The following FHIT variants were observed in gnomAD, a reference collection of about 807,000 sequenced individuals.
The protein encoded by FHIT is fragile histidine triad diadenosine triphosphatase.
Under a neutral mutation model 17.9 loss-of-function variants are expected in FHIT, and 19 were observed. That is an observed-to-expected ratio of 1.06 (90% CI 0.74 to 1.56). The LOEUF is 1.56. FHIT is among the 40% of genes most tolerant of loss of function. The pLI is 0.00. For missense variants in FHIT, 248 were observed against 189.2 expected, an observed-to-expected ratio of 1.31 and a Z score of -1.82; for synonymous variants, 81 against 69.7, an observed-to-expected ratio of 1.16 and a Z score of -0.81.
Position 60,381,459 on chromosome 3 carries a change from C to T in FHIT, c.103+155401G>A, listed in dbSNP as rs1193625843. Among the ~76,000 whole-genome samples the T allele has an allele frequency of 2.8e-5, 4 of 145,378 alleles. No individual in the cohort carries two copies. In the East Asian group the frequency reaches 8.0e-4, roughly 29 times the overall value. On this transcript the variant is annotated intron_variant, in intron 5 of 9. Coordinates refer to ENST00000492590, the MANE Select transcript of FHIT (RefSeq NM_002012.4). ...TGCCATTGCACTCCAGCCTGGGCAA[C>T]AAGAGCAAAACTCCATCTCAAAAAA...
chr3:59,747,719 G>C lies in FHIT; in HGVS notation c.*1866C>G, dbSNP rs991225343. ...ATGTCAGAGGCAAGCACTGAGATTT[G>C]ACCCATCAGCCCTAGGGAAGCTGAC... is the stretch of plus-strand genomic sequence containing the variant. On this transcript the variant is annotated 3_prime_UTR_variant, in exon 10 of 10. Coordinates refer to ENST00000492590, the MANE Select transcript of FHIT (RefSeq NM_002012.4). 1.8e-4 allele frequency among the ~76,000 whole-genome samples: 28 copies of C among 151,872 alleles called. No homozygotes were observed. Among genetic ancestry groups the C allele is most frequent in the African/African-American group, 6.3e-4 (26 of 41,376 alleles).
At chr3:59,884,232 C>T (rs73100660) in intron 8 of FHIT, among the ~76,000 whole-genome samples, 4,034 of 152,216 alleles carry the variant, frequency 0.027, 52 homozygotes, top group South Asian at 0.063. Flanking sequence ...TATATAGAAT[C>T]TATGATAAAG....
intron 3 of FHIT, among the ~76,000 whole-genome samples, chr3:60,987,906 A>G (rs1035529117): frequency 6.6e-6 from 1 of 152,184 alleles, no homozygotes; most frequent in African/African-American, 2.4e-5. Context: ...GATTTACTAT[A>G]TCTGATTGCA....
intron 3 of FHIT, among the ~76,000 whole-genome samples, chr3:60,991,899 T>A (rs1046291098): frequency 1.3e-5 from 2 of 152,168 alleles, no homozygotes; most frequent in African/African-American, 2.4e-5. Flanking sequence ...TACAGACTTA[T>A]GGGAGACAGG....
intron 1 of FHIT, among the ~76,000 whole-genome samples, chr3:61,224,375 G>C (rs1282233397): frequency 2.0e-5 from 3 of 152,072 alleles, no homozygotes; most frequent in African/African-American, 7.2e-5. Context: ...GCTCTGACTA[G>C]ACCCAAAATG....
At chr3:60,429,829 G>A (rs1702809161) in intron 5 of FHIT, among the ~76,000 whole-genome samples, 1 of 152,058 alleles carries the variant, frequency 6.6e-6, no homozygotes, top group Admixed American at 6.6e-5. Flanking sequence ...GGAAGCATAG[G>A]TACTAAGAGG....
intron 5 of FHIT, among the ~76,000 whole-genome samples, chr3:60,130,879 A>C (rs1193038213): frequency 8.6e-6 from 1 of 115,944 alleles, no homozygotes; most frequent in Non-Finnish European, 1.8e-5. Context: ...ACACGTATAC[A>C]TGTATATACA....
At chr3:60,869,911 A>G (rs1171856484) in intron 3 of FHIT, among the ~76,000 whole-genome samples, 1 of 152,110 alleles carries the variant, frequency 6.6e-6, no homozygotes, top group Non-Finnish European at 1.5e-5. Flanking sequence ...TCGGTTCCCA[A>G]GGGGCCCTCA....
chr3:60,140,975 C>A (rs1700017475), intron 5 of FHIT, among the ~76,000 whole-genome samples: 1 of 152,058 alleles, frequency 6.6e-6, no homozygotes, highest in South Asian at 2.1e-4. Context: ...CTTAGAAGGT[C>A]TAGGATGGTT....
intron 5 of FHIT, among the ~76,000 whole-genome samples, chr3:60,145,245 T>C (rs538054647): frequency 2.0e-5 from 3 of 152,306 alleles, no homozygotes; most frequent in Admixed American, 6.5e-5. Flanking sequence ...ACAAGGTTTT[T>C]TGTCTAAATT....
intron 4 of FHIT, among the ~76,000 whole-genome samples, chr3:60,582,360 T>C (rs1214287163): frequency 2.6e-5 from 4 of 152,110 alleles, no homozygotes; most frequent in African/African-American, 9.6e-5. Context: ...CAGCAAAGAC[T>C]TTCTCCCTTG....
chr3:60,411,761 T>C (rs886458772), intron 5 of FHIT, among the ~76,000 whole-genome samples: 2 of 152,136 alleles, frequency 1.3e-5, no homozygotes, highest in Non-Finnish European at 2.9e-5. Flanking sequence ...TGTTGTATAA[T>C]CTTGGACAAA....
Position 60,647,553 on chromosome 3 carries a change from G to A in FHIT, c.-17-110574C>T, listed in dbSNP as rs367641757. ...TTTATCCCTGGTTGTCCTCTCCTCT[G>A]CCCCTTGATCTGACAAATGTTCAAA... On this transcript the variant is annotated intron_variant, in intron 4 of 9. Coordinates refer to ENST00000492590, the MANE Select transcript of FHIT (RefSeq NM_002012.4). Among the ~76,000 whole-genome samples the A allele has an allele frequency of 4.6e-5, 7 of 152,236 alleles. No individual in the cohort carries two copies. In the East Asian group the frequency reaches 5.8e-4, roughly 13 times the overall value.
chr3:60,064,275 T>C (rs979349511), intron 5 of FHIT, among the ~76,000 whole-genome samples: 1 of 152,194 alleles, frequency 6.6e-6, no homozygotes, highest in African/African-American at 2.4e-5. Context: ...TAACTCTTAT[T>C]TGATGTTTGG....
intron 5 of FHIT, among the ~76,000 whole-genome samples, chr3:60,224,384 ATTAAC>A (rs1451163863): frequency 1.3e-5 from 2 of 152,216 alleles, no homozygotes; most frequent in Admixed American, 6.5e-5. Flanking sequence ...ACAGAAGATA[ATTAAC>A]TTGAGTTGTG....
intron 8 of FHIT, among the ~76,000 whole-genome samples, chr3:59,814,209 G>A (rs570481217): frequency 6.6e-6 from 1 of 152,270 alleles, no homozygotes; most frequent in East Asian, 1.9e-4. Flanking sequence ...AAACTGAGAT[G>A]GAACAACATC....
At chr3:60,380,624 T>C (rs966593725) in intron 5 of FHIT, among the ~76,000 whole-genome samples, 1 of 152,188 alleles carries the variant, frequency 6.6e-6, no homozygotes, top group Non-Finnish European at 1.5e-5. Context: ...AGTACTGCTG[T>C]GAATATCTAC....
chr3:60,532,031 G>C (rs970112306), intron 5 of FHIT, among the ~76,000 whole-genome samples: 5 of 152,162 alleles, frequency 3.3e-5, no homozygotes, highest in African/African-American at 9.7e-5. Context: ...GTCCCTACAT[G>C]CATCATCCTA....
At chr3:60,998,492 C>T (rs1440604456) in intron 3 of FHIT, among the ~76,000 whole-genome samples, 3 of 152,102 alleles carry the variant, frequency 2.0e-5, no homozygotes, top group Non-Finnish European at 4.4e-5. Flanking sequence ...AAACAAATGT[C>T]CTTAATTTTA....
Sources: gnomAD v4.1 joint callset for allele counts (sites outside exome capture counted in the v4.1 genomes callset) on GRCh38, gnomAD v4.1.1 for gene constraint, MANE v1.5 for transcripts, NCBI Gene and HGNC (gene_info 2026-07-23, HGNC 2026-07-21) for gene names.